ERC2: variants seen among roughly 807,000 people sequenced by gnomAD.
The protein encoded by ERC2 is ELKS/RAB6-interacting/CAST family member 2.
ERC2 carries 42 observed loss-of-function variants against 114.8 expected under a neutral mutation model. The ratio of observed to expected loss-of-function variants is 0.37; its 90% CI spans 0.29 to 0.47. The LOEUF (loss-of-function observed/expected upper bound fraction) is 0.47, where lower values mean the gene tolerates loss of function less well. Ranked by LOEUF, ERC2 falls within the 20% of genes least tolerant of loss-of-function variation. The pLI is 0.99. For synonymous variants in ERC2, 454 were observed against 425.5 expected (o/e 1.07, Z -0.82); for missense variants, 939 against 1,150.7 (o/e 0.82, Z 2.66).
chr3:55,565,712 C>G (rs1292532143), intron 17 of ERC2, among the ~76,000 whole-genome samples: 1 of 152,178 alleles, frequency 6.6e-6, no homozygotes, highest in Non-Finnish European at 1.5e-5. Flanking sequence ...TCTTTGGCAA[C>G]CAAAACCACA....
At chr3:56,459,836 G>C (rs2063230513) in intron 1 of ERC2, among the ~76,000 whole-genome samples, 1 of 151,914 alleles carries the variant, frequency 6.6e-6, no homozygotes, top group Non-Finnish European at 1.5e-5. Flanking sequence ...TTTTAATTTT[G>C]TTGAGTGCTG....
chr3:55,917,618 G>T (rs2065177674), intron 13 of ERC2, among the ~76,000 whole-genome samples: 1 of 152,154 alleles, frequency 6.6e-6, no homozygotes, highest in Non-Finnish European at 1.5e-5. Context: ...CAGATTAGTG[G>T]TTACTGGAAG....
intron 17 of ERC2, among the ~76,000 whole-genome samples, chr3:55,561,530 G>A (rs1223349880): frequency 2.0e-5 from 3 of 152,118 alleles, no homozygotes; most frequent in African/African-American, 7.2e-5. Context: ...GCACATCACT[G>A]GTCTTCACAG....
At chr3:56,387,556 T>C (rs34018952) in intron 2 of ERC2, among the ~76,000 whole-genome samples, 34,795 of 152,006 alleles carry the variant, frequency 0.23, 4,531 homozygotes, top group Non-Finnish European at 0.29. Context: ...GTCAGGCAGA[T>C]GCAGGACAAT....
chr3:55,869,589 C>G (rs370735452), intron 14 of ERC2, among the ~76,000 whole-genome samples: 2 of 152,172 alleles, frequency 1.3e-5, no homozygotes, highest in South Asian at 2.1e-4. Context: ...ACCCTCCCTC[C>G]TGAAAGCATT....
intron 15 of ERC2, among the ~76,000 whole-genome samples, chr3:55,717,776 A>C (rs1392335885): frequency 6.6e-6 from 1 of 152,156 alleles, no homozygotes; most frequent in East Asian, 1.9e-4. Flanking sequence ...TAACAACCAA[A>C]CAACCATAAA....
At chr3:56,161,393 G>T (rs1361148169) in intron 4 of ERC2, among the ~76,000 whole-genome samples, 1 of 152,124 alleles carries the variant, frequency 6.6e-6, no homozygotes, top group Admixed American at 6.5e-5. Flanking sequence ...TTCTTTTTTG[G>T]TTCCATATGA....
chr3:56,414,412 G>C (rs771495362), intron 2 of ERC2, among the ~76,000 whole-genome samples: 12 of 152,168 alleles, frequency 7.9e-5, no homozygotes, highest in Non-Finnish European at 1.8e-4. Context: ...ATTCCTTGAA[G>C]TCAAGAGAAT....
intron 4 of ERC2, among the ~76,000 whole-genome samples, chr3:56,170,796 G>A (rs1465864801): frequency 7.4e-6 from 1 of 134,530 alleles, no homozygotes; most frequent in African/African-American, 2.8e-5. Context: ...ACAGAGTCTC[G>A]CTCTGTCCTC....
intron 6 of ERC2, among the ~76,000 whole-genome samples, chr3:56,135,374 G>A (rs564914635): frequency 6.6e-6 from 1 of 152,204 alleles, no homozygotes; most frequent in African/African-American, 2.4e-5. Flanking sequence ...GAAGTCCGAG[G>A]TCTATAAATG....
chr3:56,407,173 A>C (rs1484770636), intron 2 of ERC2, among the ~76,000 whole-genome samples: 1 of 152,182 alleles, frequency 6.6e-6, no homozygotes, highest in East Asian at 1.9e-4. Context: ...ACCCACCCCC[A>C]AATTTAATAG....
At chr3:55,597,934 A>G (rs2058225993) in intron 17 of ERC2, among the ~76,000 whole-genome samples, 1 of 152,244 alleles carries the variant, frequency 6.6e-6, no homozygotes, top group African/African-American at 2.4e-5. Flanking sequence ...ATAAATGACT[A>G]AACTATGTCC....
intron 13 of ERC2, among the ~76,000 whole-genome samples, chr3:55,895,392 C>T (rs1484255695): frequency 2.0e-5 from 3 of 152,128 alleles, no homozygotes; most frequent in African/African-American, 7.2e-5. Flanking sequence ...ACAGATCCTC[C>T]CCTTTAAAGT....
At chr3:55,781,866 C>G (rs2069084418) in intron 14 of ERC2, among the ~76,000 whole-genome samples, 1 of 137,190 alleles carries the variant, frequency 7.3e-6, no homozygotes, top group Non-Finnish European at 1.5e-5. Flanking sequence ...GAGCAAAACT[C>G]AGCCTCACAG....
chr3:56,281,508 G>A (rs1233769520), intron 3 of ERC2, among the ~76,000 whole-genome samples: 1 of 150,082 alleles, frequency 6.7e-6, no homozygotes, highest in African/African-American at 2.5e-5. Context: ...AATTATGACA[G>A]GATATATATC....
At position 55,831,379 on chromosome 3, in the gene ERC2, GA is replaced by G. The variant is rs1311785917; in HGVS notation, c.2564+57009del. The stretch of plus-strand genomic sequence containing the variant: ...GAGAGAAGGGGAGGGGAAGGGAAGG[GA>G]AGGGAAGGAAGGGGAGGGGAGGGGA... On this transcript the variant is annotated intron_variant, in intron 14 of 17. Coordinates refer to ENST00000288221, the MANE Select transcript of ERC2 (RefSeq NM_015576.3). 2.0e-4 allele frequency among the ~76,000 whole-genome samples: 16 copies of G among 78,366 alleles called. No individual in the cohort carries two copies. In the East Asian group the frequency reaches 3.6e-3, roughly 18 times the overall value. 51.4% of individuals were successfully genotyped at this position (78,366 alleles called of 152,430 possible).
At chr3:55,632,691 A>G (rs895700417) in intron 17 of ERC2, among the ~76,000 whole-genome samples, 4 of 152,210 alleles carry the variant, frequency 2.6e-5, no homozygotes. Flanking sequence ...CACCTAAACC[A>G]TCATTACATC....
At chr3:56,335,708 T>C (rs1311904176) in intron 2 of ERC2, among the ~76,000 whole-genome samples, 2 of 152,284 alleles carry the variant, frequency 1.3e-5, no homozygotes, top group East Asian at 3.9e-4. Flanking sequence ...AAAAAAGCCA[T>C]TTAAACAATA....
rs560158022 is a variant in ERC2, at chr3:56,003,260, A to G, written c.2061+3921T>C. On this transcript the variant is annotated intron_variant, in intron 10 of 17. Coordinates refer to ENST00000288221, the MANE Select transcript of ERC2 (RefSeq NM_015576.3). ...ACGAGTTGGTTGTTAAAAAAGAAGA[A>G]ATTTCAGTTTCTAAACATTCCACAG... 3.4e-5 allele frequency: 19 copies of G among 558,092 alleles called. No individual in the cohort carries two copies. The East Asian group carries it at 1.7e-3, about 49-fold the overall frequency. 34.6% of individuals were successfully genotyped at this position (558,092 alleles called of 1,614,324 possible).
Sources: allele counts gnomAD v4.1 joint callset (sites outside exome capture counted in the v4.1 genomes callset), GRCh38; gene constraint gnomAD v4.1.1; transcripts MANE v1.5; gene names NCBI Gene and HGNC (gene_info 2026-07-23, HGNC 2026-07-21).